Variants in ASCC3 observed in about 807,000 individuals in gnomAD.
ASCC3 encodes the protein activating signal cointegrator 1 complex subunit 3.
In ASCC3, 158 loss-of-function variants were observed where a neutral mutation model predicts 256.3. The ratio of observed to expected loss-of-function variants is 0.62; its 90% CI spans 0.54 to 0.70. The LOEUF (loss-of-function observed/expected upper bound fraction) is 0.70. ASCC3 is among the 30% of genes least tolerant of loss of function. The pLI is 0.00. For synonymous variants in ASCC3, 948 were observed against 883.4 expected (o/e 1.07, Z -1.30); for missense variants, 2,259 against 2,626.0 (o/e 0.86, Z 3.05).
intron 10 of ASCC3, among the ~76,000 whole-genome samples, chr6:100,738,757 A>C (rs1333500911): frequency 1.3e-5 from 2 of 152,192 alleles, no homozygotes; most frequent in African/African-American, 4.8e-5. Context: ...TCTGTGAAGA[A>C]TGTCAATGCT....
intron 36 of ASCC3, among the ~76,000 whole-genome samples, chr6:100,574,143 C>G (rs1472385439): frequency 2.0e-5 from 3 of 152,092 alleles, no homozygotes; most frequent in African/African-American, 7.2e-5. Context: ...TTAAAAAATA[C>G]GGATCTATCT....
chr6:100,839,857 GT>G (rs1161912759), intron 4 of ASCC3, among the ~76,000 whole-genome samples: 6 of 152,010 alleles, frequency 3.9e-5, no homozygotes, highest in Non-Finnish European at 7.4e-5. Context: ...ACCAACTGCA[GT>G]TTTTTCTTAA....
In ASCC3 at chr6:100,526,662, T is replaced by C. The variant is rs2202080; in HGVS notation, c.5776-8520A>G. Among the ~76,000 whole-genome samples the C allele has an allele frequency of 5.4e-3, 819 of 152,322 alleles. 8 individuals are homozygous for C. Among genetic ancestry groups the C allele is most frequent in the African/African-American group, 0.018 (755 of 41,576 alleles). ...TGGTGCTTTGTTTTAGGTGGTGTTTTGGGAGATAAAATATAGCTTTGACCA... is the reference window on the plus strand; with the variant it reads ...TGGTGCTTTGTTTTAGGTGGTGTTTCGGGAGATAAAATATAGCTTTGACCA... On this transcript the variant is annotated intron_variant, in intron 37 of 41. Transcript: ENST00000369162.
chr6:100,621,937 A>T (rs1190058974), intron 30 of ASCC3, among the ~76,000 whole-genome samples: 2 of 152,198 alleles, frequency 1.3e-5, no homozygotes, highest in Non-Finnish European at 2.9e-5. Context: ...TGTCCTTTGC[A>T]GGGGCATGGA....
intron 30 of ASCC3, among the ~76,000 whole-genome samples, chr6:100,622,481 G>A (rs1011170206): frequency 1.3e-5 from 2 of 151,956 alleles, no homozygotes; most frequent in South Asian, 2.1e-4. Context: ...CCCCAGCCAT[G>A]CTGAACTGTG....
chr6:100,765,814 T>C (rs1473469698), intron 10 of ASCC3, among the ~76,000 whole-genome samples: 1 of 152,202 alleles, frequency 6.6e-6, no homozygotes, highest in Non-Finnish European at 1.5e-5. Context: ...CCCTAGGAAA[T>C]TAATTCACAC....
At chr6:100,801,405 A>G (rs1769909782) in intron 5 of ASCC3, among the ~76,000 whole-genome samples, 1 of 152,066 alleles carries the variant, frequency 6.6e-6, no homozygotes, top group South Asian at 2.1e-4. Context: ...AGTGCAAATT[A>G]TTTTATCAAA....
At chr6:100,602,054 T>A in intron 33 of ASCC3, 119 bp from the exon 34 acceptor site, 1 of 1,016,372 alleles carries the variant, frequency 9.8e-7, no homozygotes, top group Non-Finnish European at 1.4e-6. Flanking sequence ...ATTTGTTTTA[T>A]ATAACTTAAA....
At chr6:100,842,606 T>C (rs191755832) in intron 4 of ASCC3, among the ~76,000 whole-genome samples, 76 of 152,284 alleles carry the variant, frequency 5.0e-4, no homozygotes, top group African/African-American at 1.8e-3. Context: ...TTTCTGATTT[T>C]CGAAAATAGT....
intron 39 of ASCC3, among the ~76,000 whole-genome samples, chr6:100,515,520 T>C (rs1773977064): frequency 6.6e-6 from 1 of 152,216 alleles, no homozygotes; most frequent in Non-Finnish European, 1.5e-5. Flanking sequence ...AAAGTCTAGA[T>C]AGCCAAATAT....
intron 13 of ASCC3, among the ~76,000 whole-genome samples, chr6:100,682,705 G>A (rs1180719197): frequency 2.0e-5 from 3 of 152,160 alleles, no homozygotes; most frequent in East Asian, 1.9e-4. Flanking sequence ...TTACTGTTAC[G>A]GGGAGAAAAA....
intron 34 of ASCC3, among the ~76,000 whole-genome samples, chr6:100,591,203 T>C (rs1434237133): frequency 1.3e-5 from 2 of 152,070 alleles, no homozygotes; most frequent in Non-Finnish European, 2.9e-5. Context: ...TCTAAGCATA[T>C]ATGGAAGTGA....
At chr6:100,773,130 T>G (rs905990185) in intron 8 of ASCC3, among the ~76,000 whole-genome samples, 2 of 152,288 alleles carry the variant, frequency 1.3e-5, no homozygotes, top group Admixed American at 6.5e-5. Context: ...GAGCTAGTAT[T>G]TGAAGTCATA....
chr6:100,522,874 C>A (rs1189897798), intron 37 of ASCC3, among the ~76,000 whole-genome samples: 7 of 150,324 alleles, frequency 4.7e-5, no homozygotes, highest in Non-Finnish European at 8.9e-5. Flanking sequence ...TTCTGGGGAA[C>A]CTGACTTCAA....
intron 13 of ASCC3, among the ~76,000 whole-genome samples, chr6:100,694,852 A>C (rs114836787): frequency 1.3e-5 from 2 of 152,182 alleles, no homozygotes; most frequent in Non-Finnish European, 2.9e-5. Flanking sequence ...ATGGAGTTAG[A>C]AAATCATCAA....
chr6:100,529,953 T>C (rs886615245), intron 37 of ASCC3, among the ~76,000 whole-genome samples: 11 of 152,174 alleles, frequency 7.2e-5, no homozygotes, highest in Non-Finnish European at 1.2e-4. Context: ...ACAGCTGTCA[T>C]GATGTTTGCC....
chr6:100,604,192 T>C (rs1772768122), intron 33 of ASCC3, among the ~76,000 whole-genome samples: 1 of 152,098 alleles, frequency 6.6e-6, no homozygotes, highest in South Asian at 2.1e-4. Context: ...TGATACAAAA[T>C]TTAAATATTA....
intron 36 of ASCC3, among the ~76,000 whole-genome samples, chr6:100,575,489 A>G (rs1003441944): frequency 2.0e-5 from 3 of 152,118 alleles, no homozygotes; most frequent in African/African-American, 7.2e-5. Flanking sequence ...AGAGAACAGT[A>G]CTGAGAACGG....
intron 13 of ASCC3, among the ~76,000 whole-genome samples, chr6:100,699,886 G>A (rs1326474960): frequency 6.6e-6 from 1 of 152,184 alleles, no homozygotes; most frequent in Non-Finnish European, 1.5e-5. Context: ...AAATTTCTAA[G>A]CAGCAAAACA....
Sources: allele counts gnomAD v4.1 joint callset (sites outside exome capture counted in the v4.1 genomes callset), GRCh38; gene constraint gnomAD v4.1.1; transcripts MANE v1.5; gene names NCBI Gene and HGNC (gene_info 2026-07-23, HGNC 2026-07-21).